ROBO2: variants seen among roughly 807,000 people sequenced by gnomAD.
ROBO2 encodes the protein roundabout homolog 2.
A neutral mutation model predicts 160.8 loss-of-function variants in ROBO2; 53 were observed. The observed-to-expected ratio is 0.33, with a 90% CI of 0.26 to 0.41. The LOEUF (loss-of-function observed/expected upper bound fraction) is 0.41. Ranked by LOEUF, ROBO2 falls within the 10% of genes least tolerant of loss-of-function variation. The pLI is 1.00. For synonymous variants in ROBO2, 664 were observed against 611.7 expected (o/e 1.09, Z -1.26); for missense variants, 1,577 against 1,722.4 (o/e 0.92, Z 1.49).
intron 2 of ROBO2, among the ~76,000 whole-genome samples, chr3:76,720,751 G>A (rs1354338046): frequency 6.6e-6 from 1 of 152,134 alleles, no homozygotes; most frequent in African/African-American, 2.4e-5. Context: ...AGAGATTTAG[G>A]AGATTAGCGA....
intron 2 of ROBO2, among the ~76,000 whole-genome samples, chr3:77,099,716 T>C (rs1487526844): frequency 6.6e-6 from 1 of 152,156 alleles, no homozygotes; most frequent in Non-Finnish European, 1.5e-5. Flanking sequence ...TACCAAATTT[T>C]ATTGATTTTT....
At chr3:77,634,460 T>G (rs568082915) in intron 23 of ROBO2, 29 of 182,870 alleles carry the variant, frequency 1.6e-4, no homozygotes, top group African/African-American at 6.6e-4. Flanking sequence ...GGATGAAATT[T>G]TATTAAACAA....
At chr3:77,484,635 G>T (rs1046909622) in intron 4 of ROBO2, among the ~76,000 whole-genome samples, 1 of 151,176 alleles carries the variant, frequency 6.6e-6, no homozygotes, top group Non-Finnish European at 1.5e-5. Context: ...GCTATTTATT[G>T]ATGTATCAAT....
intron 2 of ROBO2, among the ~76,000 whole-genome samples, chr3:77,166,352 ATCT>A (rs1273843068): frequency 6.6e-6 from 1 of 152,196 alleles, no homozygotes; most frequent in Non-Finnish European, 1.5e-5. Context: ...TATTGATATA[ATCT>A]TATTATTTAT....
chr3:77,244,985 GA>G (rs1386247774), intron 2 of ROBO2, among the ~76,000 whole-genome samples: 1 of 147,808 alleles, frequency 6.8e-6, no homozygotes, highest in East Asian at 2.0e-4. Context: ...AAAGGTCTTT[GA>G]AATAATTTTA....
chr3:76,034,683 A>G (rs987867675), intron 2 of ROBO2, among the ~76,000 whole-genome samples: 4 of 150,946 alleles, frequency 2.6e-5, no homozygotes, highest in Non-Finnish European at 5.9e-5. Context: ...ATCACCTCAA[A>G]TCCATGTTTT....
intron 1 of ROBO2, among the ~76,000 whole-genome samples, chr3:77,075,672 CTTTTT>C (rs1174587812): frequency 2.3e-3 from 199 of 87,240 alleles, no homozygotes; most frequent in Non-Finnish European, 3.3e-3. Context: ...TTTCTTTCTC[CTTTTT>C]TTTTTTTTTT....
At chr3:77,424,161 G>A (rs1345465800) in intron 2 of ROBO2, among the ~76,000 whole-genome samples, 1 of 152,142 alleles carries the variant, frequency 6.6e-6, no homozygotes, top group East Asian at 1.9e-4. Flanking sequence ...TATTAAACCA[G>A]AGAAATAGTA....
chr3:77,211,875 A>G (rs2084220323), intron 2 of ROBO2, among the ~76,000 whole-genome samples: 1 of 152,178 alleles, frequency 6.6e-6, no homozygotes, highest in African/African-American at 2.4e-5. Flanking sequence ...GTCAAAGATC[A>G]GATAGTTGTA....
At chr3:77,223,399 A>T (rs1313114902) in intron 2 of ROBO2, among the ~76,000 whole-genome samples, 3 of 152,118 alleles carry the variant, frequency 2.0e-5, no homozygotes, top group Admixed American at 1.3e-4. Context: ...GAAGAGAACA[A>T]CTAAAACAGG....
intron 2 of ROBO2, among the ~76,000 whole-genome samples, chr3:76,657,664 A>ATGTGTATATATATTCATATATG (rs1560319226): frequency 2.4e-4 from 15 of 61,274 alleles, no homozygotes; most frequent in African/African-American, 1.1e-3. Context: ...ATTCATATAT[A>ATGTGTATATATATTCATATATG]TGTGTATATA....
intron 2 of ROBO2, among the ~76,000 whole-genome samples, chr3:76,669,759 A>G (rs1397742177): frequency 1.3e-5 from 2 of 152,182 alleles, no homozygotes; most frequent in Non-Finnish European, 2.9e-5. Context: ...TTAAGAGCAG[A>G]ATTAACCATT....
At chr3:77,593,168 C>G (rs2094217506) in intron 17 of ROBO2, among the ~76,000 whole-genome samples, 1 of 151,292 alleles carries the variant, frequency 6.6e-6, no homozygotes, top group Admixed American at 6.6e-5. Flanking sequence ...ACACCATTAT[C>G]TTAACTCTCT....
chr3:76,323,963 A>G (rs1320695187), intron 2 of ROBO2, among the ~76,000 whole-genome samples: 1 of 152,156 alleles, frequency 6.6e-6, no homozygotes, highest in East Asian at 1.9e-4. Context: ...TTTCTGTTTC[A>G]GGTCACTATT....
chr3:77,124,655 T>C, intron 2 of ROBO2, among the ~76,000 whole-genome samples: 1 of 152,152 alleles, frequency 6.6e-6, no homozygotes, highest in South Asian at 2.1e-4. Flanking sequence ...TATTCTTGCA[T>C]TCACTTTTGG....
At chr3:75,911,552 CTTTTTTTTT>C (rs56787695) in intron 1 of ROBO2, among the ~76,000 whole-genome samples, 3 of 83,548 alleles carry the variant, frequency 3.6e-5, no homozygotes, top group African/African-American at 4.8e-5. Context: ...AGCCTTGTTT[CTTTTTTTTT>C]TTTTTTTTTT....
chr3:77,526,559 C>A (rs2091179915), intron 6 of ROBO2, among the ~76,000 whole-genome samples: 1 of 151,386 alleles, frequency 6.6e-6, no homozygotes, highest in African/African-American at 2.4e-5. Context: ...AAATGGTTTA[C>A]CGTCTAAATT....
intron 2 of ROBO2, among the ~76,000 whole-genome samples, chr3:77,257,015 A>T (rs76708119): frequency 0.022 from 3,278 of 152,224 alleles, 144 homozygotes; most frequent in African/African-American, 0.075. Flanking sequence ...CTCAGCAGAG[A>T]TGTAATTGCC....
intron 2 of ROBO2, among the ~76,000 whole-genome samples, chr3:76,715,118 A>C (rs1041486007): frequency 6.6e-6 from 1 of 152,180 alleles, no homozygotes; most frequent in Admixed American, 6.5e-5. Context: ...ATAATTAGAC[A>C]CAGAGAAAGA....
Sources: allele counts gnomAD v4.1 joint callset (sites outside exome capture counted in the v4.1 genomes callset), GRCh38; gene constraint gnomAD v4.1.1; transcripts MANE v1.5; gene names NCBI Gene and HGNC (gene_info 2026-07-23, HGNC 2026-07-21).